Variants in PIEZO2 observed in about 807,000 individuals in gnomAD.
PIEZO2 encodes the protein piezo type mechanosensitive ion channel component 2.
PIEZO2 carries 172 observed loss-of-function variants against 337.3 expected under a neutral mutation model. The ratio of observed to expected loss-of-function variants is 0.51; its 90% CI spans 0.45 to 0.58. PIEZO2 has a LOEUF of 0.58. Ranked by LOEUF, PIEZO2 falls within the 20% of genes least tolerant of loss-of-function variation. PIEZO2 has a pLI of 0.00. For missense variants in PIEZO2, 3,028 were observed against 3,391.3 expected (o/e 0.89, Z 2.66); for synonymous variants, 1,251 against 1,228.5 (o/e 1.02, Z -0.38).
At chr18:10,720,648 T>A (rs901770238) in intron 36 of PIEZO2, among the ~76,000 whole-genome samples, 4 of 151,354 alleles carry the variant, frequency 2.6e-5, no homozygotes, top group Non-Finnish European at 5.9e-5. Context: ...TTTAGAGATG[T>A]TGCTCGGGCT....
chr18:10,858,129 G>A (rs1170512477), intron 5 of PIEZO2, among the ~76,000 whole-genome samples: 5 of 150,230 alleles, frequency 3.3e-5, no homozygotes, highest in Non-Finnish European at 7.4e-5. Context: ...AGACCATCCT[G>A]GCCAACATGG....
chr18:11,072,693 C>T (rs2038387768), intron 1 of PIEZO2, among the ~76,000 whole-genome samples: 1 of 152,334 alleles, frequency 6.6e-6, no homozygotes. Context: ...CCAGTGGGTA[C>T]AGCTATGTAG....
intron 33 of PIEZO2, chr18:10,739,654 A>T (rs2037141000): frequency 6.6e-6 from 1 of 152,226 alleles, no homozygotes; most frequent in African/African-American, 2.4e-5. Context: ...CCAGATTGTT[A>T]GCGTGACTGT....
chr18:10,725,544 A>C, intron 36 of PIEZO2: 2 of 1,368,686 alleles, frequency 1.5e-6, no homozygotes, highest in South Asian at 1.4e-5. Flanking sequence ...GGCCCCACTA[A>C]CTCCCCCTTT....
chr18:10,684,555 C>A (rs1774967282), intron 49 of PIEZO2, among the ~76,000 whole-genome samples: 1 of 151,134 alleles, frequency 6.6e-6, no homozygotes, highest in Non-Finnish European at 1.5e-5. Flanking sequence ...ACTTCCACCA[C>A]CTGGGCTCGA....
intron 2 of PIEZO2, among the ~76,000 whole-genome samples, chr18:11,010,398 G>A (rs113115548): frequency 9.6e-4 from 146 of 152,222 alleles, no homozygotes; most frequent in African/African-American, 3.3e-3. Context: ...GAAGTGTAAC[G>A]CACTGTACAA....
At chr18:11,017,447 G>T (rs2036155112) in intron 2 of PIEZO2, among the ~76,000 whole-genome samples, 1 of 149,050 alleles carries the variant, frequency 6.7e-6, no homozygotes, top group Non-Finnish European at 1.5e-5. Flanking sequence ...CTTTATGAAA[G>T]CATGAATGCC....
At position 10,672,196 on chromosome 18, in the gene PIEZO2, A is replaced by G. The variant is rs1246190091; in HGVS notation, c.8346-417T>C. On this transcript the variant is annotated intron_variant, in intron 55 of 55. Transcript: ENST00000674853. This position sits in a 1 kb window ranked among gnomAD's most constrained non-coding sequence, Gnocchi z 4.7. ...AATACTGTCTCTCAGATTAATTTTT[A>G]TAAAATTCTGGGTGAAAATCATTTC... 6.6e-6 allele frequency among the ~76,000 whole-genome samples: 1 copy of G among 152,166 alleles called. No homozygotes were observed. Among genetic ancestry groups the G allele is most frequent in the African/African-American group, 2.4e-5 (1 of 41,426 alleles).
chr18:11,136,320 T>C (rs1021009251), intron 1 of PIEZO2, among the ~76,000 whole-genome samples: 3 of 152,362 alleles, frequency 2.0e-5, no homozygotes, highest in Middle Eastern at 3.4e-3. Context: ...TGGTTGTTAG[T>C]GAAAAATCCT....
At chr18:10,990,088 T>G (rs867625553) in intron 2 of PIEZO2, among the ~76,000 whole-genome samples, 6 of 152,164 alleles carry the variant, frequency 3.9e-5, no homozygotes, top group African/African-American at 1.2e-4. Context: ...GTGGTGAACA[T>G]GTATCTTGAA....
intron 2 of PIEZO2, among the ~76,000 whole-genome samples, chr18:11,056,567 A>G (rs2037738727): frequency 6.6e-6 from 1 of 152,224 alleles, no homozygotes; most frequent in Non-Finnish European, 1.5e-5. Flanking sequence ...AAAAGAGAAC[A>G]TTAAATAGAG....
intron 1 of PIEZO2, among the ~76,000 whole-genome samples, chr18:11,079,655 T>TAAAGA (rs2038669316): frequency 6.6e-6 from 1 of 152,178 alleles, no homozygotes; most frequent in Non-Finnish European, 1.5e-5. Flanking sequence ...AGGAATAAAT[T>TAAAGA]AATTCCTGCC....
chr18:11,018,719 G>A (rs1416153118), intron 2 of PIEZO2, among the ~76,000 whole-genome samples: 2 of 152,058 alleles, frequency 1.3e-5, no homozygotes, highest in African/African-American at 4.8e-5. Context: ...ATTGAGACAA[G>A]GAACAGAAAT....
At chr18:10,913,748 C>T (rs2030682970) in intron 3 of PIEZO2, among the ~76,000 whole-genome samples, 2 of 152,056 alleles carry the variant, frequency 1.3e-5, no homozygotes, top group African/African-American at 2.4e-5. Context: ...ACACTCAGTA[C>T]TCCTGAGAAT....
chr18:11,074,035 A>G (rs953432178), intron 1 of PIEZO2, among the ~76,000 whole-genome samples: 8 of 151,890 alleles, frequency 5.3e-5, no homozygotes, highest in Non-Finnish European at 1.0e-4. Context: ...TTTAGTAGAG[A>G]TGGGGTTTCA....
At chr18:11,037,596 T>A (rs976506846) in intron 2 of PIEZO2, among the ~76,000 whole-genome samples, 1 of 152,166 alleles carries the variant, frequency 6.6e-6, no homozygotes, top group Non-Finnish European at 1.5e-5. Context: ...TTATTATGGA[T>A]TGGAATGAGA....
chr18:11,019,194 C>T (rs1010334011), intron 2 of PIEZO2, among the ~76,000 whole-genome samples: 4 of 152,210 alleles, frequency 2.6e-5, no homozygotes, highest in Non-Finnish European at 2.9e-5. Flanking sequence ...TCTAAGGGTC[C>T]TCCCTGTTAC....
At chr18:11,115,546 T>C (rs906608810) in intron 1 of PIEZO2, among the ~76,000 whole-genome samples, 9 of 152,190 alleles carry the variant, frequency 5.9e-5, no homozygotes, top group Non-Finnish European at 8.8e-5. Context: ...ACAAAGCCTA[T>C]GTATTGAGAC....
Position 10,887,425 on chromosome 18 carries a change from C to G in PIEZO2, c.330-16010G>C, listed in dbSNP as rs138760199. On this transcript the variant is annotated intron_variant, in intron 4 of 55. Coordinates refer to ENST00000674853, the MANE Select transcript of PIEZO2 (RefSeq NM_001378183.1). ...AGAACTTGCTATCACAAAGACAGCACCAAGCCACGGAGAGATCCAGCCCTA... is the reference window on the plus strand; with the variant it reads ...AGAACTTGCTATCACAAAGACAGCAGCAAGCCACGGAGAGATCCAGCCCTA... Among the ~76,000 whole-genome samples the G allele has an allele frequency of 2.0e-3, 306 of 152,102 alleles. 3 individuals are homozygous for G. The East Asian group carries it at 0.043, about 21-fold the overall frequency.
Sources: gnomAD v4.1 joint callset for allele counts (sites outside exome capture counted in the v4.1 genomes callset) on GRCh38, gnomAD v4.1.1 for gene constraint, Gnocchi (gnomAD v3.1) non-coding constraint, MANE v1.5 for transcripts, NCBI Gene and HGNC (gene_info 2026-07-23, HGNC 2026-07-21) for gene names.